NBN: variants seen among roughly 807,000 people sequenced by gnomAD.
NBN encodes the protein nibrin.
Under a neutral mutation model 90.8 loss-of-function variants are expected in NBN, and 88 were observed. The observed-to-expected ratio is 0.97, with a 90% CI of 0.82 to 1.16. The LOEUF (loss-of-function observed/expected upper bound fraction) is 1.16. Among genes scored for constraint, NBN ranks in the 50% most tolerant of loss-of-function variants. The pLI is 0.00. For synonymous variants in NBN, 328 were observed against 295.1 expected (o/e 1.11, Z -1.14); for missense variants, 894 against 869.6 (o/e 1.03, Z -0.35).
intron 5 of NBN, among the ~76,000 whole-genome samples, chr8:89,973,418 C>A (rs1414861940): frequency 6.6e-6 from 1 of 152,082 alleles, no homozygotes; most frequent in Non-Finnish European, 1.5e-5. Flanking sequence ...TTGGTAAGAT[C>A]AATCTTGAAC....
At chr8:89,971,040 GT>G (rs1811490226) in intron 6 of NBN, 132 bp downstream of exon 6, 8 of 966,056 alleles carry the variant, frequency 8.3e-6, no homozygotes, top group Admixed American at 2.6e-5. Flanking sequence ...GGTGCCTGGG[GT>G]TTTTTTATTC....
chr8:89,981,038 C>T, intron 3 of NBN, 145 bp from the exon 4 acceptor site: 1 of 744,140 alleles, frequency 1.3e-6, no homozygotes, highest in Non-Finnish European at 2.2e-6. Context: ...ATGAAATTAT[C>T]AGTTCCTCAT....
intron 7 of NBN, 134 bp downstream of exon 7, chr8:89,970,230 C>A (rs1811439646): frequency 1.4e-6 from 1 of 712,146 alleles, no homozygotes; most frequent in African/African-American, 1.8e-5. Flanking sequence ...GCCTGGGCAA[C>A]AAGAGCAAGA....
intron 13 of NBN, among the ~76,000 whole-genome samples, chr8:89,943,664 T>A (rs1461288389): frequency 6.6e-6 from 1 of 152,190 alleles, no homozygotes; most frequent in East Asian, 1.9e-4. Flanking sequence ...ATTTAACAAT[T>A]AAAGCAACTC....
chr8:89,955,368 T>C lies in NBN; in HGVS notation c.1312A>G (p.Ser438Gly), dbSNP rs1456827107. 1.2e-6 allele frequency: 2 copies of C among 1,613,890 alleles called. No individual in the cohort carries two copies. Among genetic ancestry groups the C allele is most frequent in the East Asian group, 4.5e-5 (2 of 44,876 alleles). Residue 438 changes from serine to glycine, a missense_variant, in exon 10 of 16, where the codon AGT becomes GGT. Transcript: ENST00000265433. ...GCCCTATCTTTACTTTTATTTATAC[T>C]TGGCAATTTAGTTGGTGAAAGCTGA... ...NYQLSPTKLP[S>G]INKSKDRASQ...
At chr8:89,970,086 TA>T (rs1026710085) in intron 7 of NBN, among the ~76,000 whole-genome samples, 6 of 151,994 alleles carry the variant, frequency 3.9e-5, no homozygotes, top group African/African-American at 1.4e-4. Flanking sequence ...CTGTCTCTAC[TA>T]AAAGTACAAA....
At chr8:89,971,102 T>A in intron 6 of NBN, 71 bp downstream of exon 6, 4 of 1,487,188 alleles carry the variant, frequency 2.7e-6, no homozygotes, top group Non-Finnish European at 3.7e-6. Context: ...TAACAACTAC[T>A]GATAAGAGTT....
intron 2 of NBN, 44 bp downstream of exon 2, chr8:89,982,678 C>A: frequency 6.5e-7 from 1 of 1,544,502 alleles, no homozygotes; most frequent in South Asian, 1.1e-5. Flanking sequence ...TTTGTGATTT[C>A]AACCCCCTTA....
At chr8:89,945,112 C>T (rs1490731833) in intron 13 of NBN, among the ~76,000 whole-genome samples, 1 of 152,134 alleles carries the variant, frequency 6.6e-6, no homozygotes, top group Non-Finnish European at 1.5e-5. Flanking sequence ...CAGTAGTAAA[C>T]ATTACTGCTG....
chr8:89,974,202 T>C (rs1364322337), intron 5 of NBN, among the ~76,000 whole-genome samples: 4 of 151,774 alleles, frequency 2.6e-5, no homozygotes, highest in Non-Finnish European at 4.4e-5. Flanking sequence ...TTTATTTCAT[T>C]AGTCCTGCAG....
In NBN at chr8:89,978,309, G is replaced by C. The variant is rs764290829; in HGVS notation, c.495C>G (p.Leu165=). The stretch of plus-strand genomic sequence containing the variant: ...GCTTTACAATTGGACGTCCACAAAT[G>C]AGTGCACATATTGTCTACAATGAAG... The part of the protein sequence containing the change: ...VKVTIKTICA[L]ICGRPIVKPE... Residue 165 remains leucine (L), a synonymous_variant, in exon 5 of 16, where the codon CTC becomes CTG. Transcript: ENST00000265433. The C allele has an allele frequency of 8.8e-6, 14 of 1,586,994 alleles. No individual in the cohort carries two copies. The highest frequency in any genetic ancestry group is 5.0e-5 in the Admixed American group (3 of 59,982).
At chr8:89,965,079 A>C (rs996607088) in intron 7 of NBN, among the ~76,000 whole-genome samples, 1 of 151,900 alleles carries the variant, frequency 6.6e-6, no homozygotes, top group Admixed American at 6.6e-5. Flanking sequence ...GCGCCACTGC[A>C]CTCCAGCCTG....
rs730881842 is a variant in NBN at position 89,943,245 on chromosome 8, C to T, written c.2184+8G>A. On this transcript the variant is annotated splice_region_variant and intron_variant, in intron 14 of 15. Coordinates refer to ENST00000265433, the MANE Select transcript of NBN (RefSeq NM_002485.5). ...TAAGCAAGTTTCTGGGCCTCACTTC[C>T]TACTAACCTCCATTTCCTGCCTTAG... 2 of 1,613,576 alleles carry T rather than the reference C, an allele frequency of 1.2e-6. No individual in the cohort carries two copies. Among genetic ancestry groups the T allele is most frequent in the East Asian group, 4.5e-5 (2 of 44,796 alleles).
rs1809599519 is a variant in NBN at position 89,935,029 on chromosome 8, G to A, written c.*553C>T. On this transcript the variant is annotated 3_prime_UTR_variant, in exon 16 of 16. Coordinates refer to ENST00000265433, the MANE Select transcript of NBN (RefSeq NM_002485.5). The stretch of plus-strand genomic sequence containing the variant: ...AAGCCATTTTGTTTGGATCACCAGA[G>A]TTTAGGTAAGACTACAGCATAATGG... 1 of 233,154 alleles carries A rather than the reference G, an allele frequency of 4.3e-6. No homozygotes were observed. The highest frequency in any genetic ancestry group is 8.5e-6 in the Non-Finnish European group (1 of 118,196). The allele number at this position is 233,154 out of a possible 1,614,324, so 14.4% of individuals were successfully genotyped here. A position where few individuals can be genotyped will look rare whatever the true frequency, so the allele number is the denominator to read the frequency against.
rs1057520332 is a variant in NBN, at chr8:89,980,866, G to A, written c.348C>T (p.Cys116=). ...TCCCAGAGACATCTAAACAAGAAGAGCATGCAACCAAAGGCTCATACTCTA... is the reference window on the plus strand; with the variant it reads ...TCCCAGAGACATCTAAACAAGAAGAACATGCAACCAAAGGCTCATACTCTA... ...FRIEYEPLVA[C]SSCLDVSGKT... is the part of the protein sequence containing the mutation. Residue 116 remains cysteine (C), a synonymous_variant, in exon 4 of 16, where the codon TGC becomes TGT. Transcript: ENST00000265433. The A allele has an allele frequency of 1.2e-6, 2 of 1,612,392 alleles. No individual in the cohort carries two copies. Among genetic ancestry groups the A allele is most frequent in the Non-Finnish European group, 1.7e-6 (2 of 1,178,940 alleles).
intron 14 of NBN, among the ~76,000 whole-genome samples, chr8:89,942,716 C>A (rs994081638): frequency 6.6e-6 from 1 of 151,964 alleles, no homozygotes; most frequent in South Asian, 2.1e-4. Context: ...CAGCAGTTGC[C>A]AAAAATATAA....
At position 89,978,293 on chromosome 8, in the gene NBN, T is replaced by C. The variant is rs61754966; in HGVS notation, c.511A>G (p.Ile171Val). The C allele has an allele frequency of 1.1e-3, 1,830 of 1,593,902 alleles. 6 individuals carry two copies. The highest frequency in any genetic ancestry group is 3.1e-3 in the East Asian group (138 of 44,670). The change falls in exon 5 of 16, where the codon ATT becomes GTT. Residue 171 changes from isoleucine to valine, a missense_variant. Transcript: ENST00000265433. Reference protein sequence around the residue: ...TICALICGRPIVKPEYFTEFL... With the variant: ...TICALICGRPVVKPEYFTEFL... ...TCAGTAAAATATTCTGGCTTTACAA[T>C]TGGACGTCCACAAATGAGTGCACAT... is the stretch of plus-strand genomic sequence containing the variant.
chr8:89,964,164 T>A (rs925008945), intron 8 of NBN, among the ~76,000 whole-genome samples: 2 of 152,236 alleles, frequency 1.3e-5, no homozygotes, highest in Non-Finnish European at 1.5e-5. Context: ...TTACTAAATC[T>A]TGATCTTCAG....
At chr8:89,956,197 G>GAAAA (rs71560248) in intron 9 of NBN, among the ~76,000 whole-genome samples, 1 of 141,142 alleles carries the variant, frequency 7.1e-6, no homozygotes. Flanking sequence ...TTATTTTACA[G>GAAAA]AAAAAAAAAA....
Sources: allele counts gnomAD v4.1 joint callset (sites outside exome capture counted in the v4.1 genomes callset), GRCh38; gene constraint gnomAD v4.1.1; transcripts MANE v1.5; gene names NCBI Gene and HGNC (gene_info 2026-07-23, HGNC 2026-07-21).